PCDHGA5: variants seen among roughly 807,000 people sequenced by gnomAD.
The protein encoded by PCDHGA5 is protocadherin gamma-A5.
PCDHGA5 carries 36 observed loss-of-function variants against 56.7 expected under a neutral mutation model. That is an observed-to-expected ratio of 0.64 (90% CI 0.49 to 0.84). The LOEUF (loss-of-function observed/expected upper bound fraction) is 0.84, where lower values mean the gene tolerates loss of function less well. PCDHGA5 is among the 40% of genes least tolerant of loss of function. The pLI, the probability that PCDHGA5 is intolerant of heterozygous loss-of-function variation, is 0.00. For missense variants in PCDHGA5, 1,305 were observed against 1,201.5 expected, an observed-to-expected ratio of 1.09 and a Z score of -1.27; for synonymous variants, 563 against 520.2, an observed-to-expected ratio of 1.08 and a Z score of -1.12.
chr5:141,472,164 G>C (rs2099273083), intron 1 of PCDHGA5, among the ~76,000 whole-genome samples: 1 of 152,158 alleles, frequency 6.6e-6, no homozygotes, highest in Non-Finnish European at 1.5e-5. Flanking sequence ...TAGCTACTAG[G>C]TGTAATATCC....
At chr5:141,395,126 C>G (rs1416844764) in intron 1 of PCDHGA5, 1 of 1,614,078 alleles carries the variant, frequency 6.2e-7, no homozygotes, top group East Asian at 2.2e-5. Flanking sequence ...TGATCTTTCC[C>G]CAGCCCAACT....
chr5:141,505,634 A>T, intron 3 of PCDHGA5, 153 bp downstream of exon 3: 6 of 971,426 alleles, frequency 6.2e-6, no homozygotes, highest in Non-Finnish European at 7.3e-6. Context: ...CCAAACATAA[A>T]GCCTGGAATT....
At chr5:141,434,980 CTA>C in intron 1 of PCDHGA5, among the ~76,000 whole-genome samples, 1 of 151,954 alleles carries the variant, frequency 6.6e-6, no homozygotes, top group East Asian at 1.9e-4. Flanking sequence ...TGTTAATACT[CTA>C]TATCATTTTC....
intron 1 of PCDHGA5, chr5:141,374,351 A>T (rs1770409199): frequency 6.2e-7 from 1 of 1,614,022 alleles, no homozygotes; most frequent in South Asian, 1.1e-5. Flanking sequence ...CGCGGGTAGG[A>T]TAGACCGCGA....
chr5:141,436,384 C>A lies in PCDHGA5; in HGVS notation c.2422-58423C>A, dbSNP rs1048094484. 2.6e-5 allele frequency among the ~76,000 whole-genome samples: 4 copies of A among 152,222 alleles called. 1 individual carries two copies. Among genetic ancestry groups the A allele is most frequent in the Non-Finnish European group, 4.4e-5 (3 of 67,978 alleles). On this transcript the variant is annotated intron_variant, in intron 1 of 3. Coordinates refer to ENST00000518069, the MANE Select transcript of PCDHGA5 (RefSeq NM_018918.3). The stretch of plus-strand genomic sequence containing the variant: ...ATGTTTCCAGTTTAAGCTGAATAGG[C>A]TTTATTAAATAGTTGTTGAATGAAT...
intron 1 of PCDHGA5, chr5:141,375,805 C>G (rs748127561): frequency 6.2e-7 from 1 of 1,614,214 alleles, no homozygotes; most frequent in Admixed American, 1.7e-5. Flanking sequence ...GTTCCACTGG[C>G]GTGGAGCTGG....
chr5:141,410,399 G>A, intron 1 of PCDHGA5: 1 of 1,614,044 alleles, frequency 6.2e-7, no homozygotes. Flanking sequence ...TGGTCTCTGT[G>A]TCAAGTCTGG....
At chr5:141,383,688 G>A (rs1246896425) in intron 1 of PCDHGA5, 6 of 1,614,008 alleles carry the variant, frequency 3.7e-6, no homozygotes, top group Non-Finnish European at 5.1e-6. Context: ...GACTGCTCAC[G>A]GTACATGCTA....
Position 141,383,201 on chromosome 5 carries a change from G to A in PCDHGA5, c.2421+16450G>A, listed in dbSNP as rs368180461. ...GAAGAGATCTGCGCTCAGAGTGCGCGGTGTCTGGTAAACTTTAACATCCTG... is the reference window on the plus strand; with the variant it reads ...GAAGAGATCTGCGCTCAGAGTGCGCAGTGTCTGGTAAACTTTAACATCCTG... On this transcript the variant is annotated intron_variant, in intron 1 of 3. Coordinates refer to ENST00000518069, the MANE Select transcript of PCDHGA5 (RefSeq NM_018918.3). 4.3e-6 allele frequency: 7 copies of A among 1,613,882 alleles called. No individual in the cohort carries two copies. In the African/African-American group the frequency reaches 9.3e-5, roughly 22 times the overall value.
At chr5:141,484,873 G>A (rs754469397) in intron 1 of PCDHGA5, 50 of 322,006 alleles carry the variant, frequency 1.6e-4, no homozygotes, top group Non-Finnish European at 2.5e-4. Flanking sequence ...GAGCGTGGAG[G>A]ATAGGGTGGG....
intron 1 of PCDHGA5, chr5:141,378,226 T>C (rs1774724615): frequency 6.6e-6 from 1 of 152,206 alleles, no homozygotes; most frequent in Admixed American, 6.5e-5. Context: ...TGCCTGATAG[T>C]ATTTAAGAGT....
At position 141,368,171 on chromosome 5, in the gene PCDHGA5, A is replaced by T. The variant is rs143914194; in HGVS notation, c.2421+1420A>T. ...TTTAAAACCTTGAGCATCAGCTTCAAATAATGACTAAATAAGGGGAAAAGG... is the reference window on the plus strand; with the variant it reads ...TTTAAAACCTTGAGCATCAGCTTCATATAATGACTAAATAAGGGGAAAAGG... On this transcript the variant is annotated intron_variant, in intron 1 of 3. Coordinates refer to ENST00000518069, the MANE Select transcript of PCDHGA5 (RefSeq NM_018918.3). Among the ~76,000 whole-genome samples the T allele has an allele frequency of 3.1e-4, 47 of 152,352 alleles. No homozygotes were observed. In the East Asian group the frequency reaches 8.3e-3, roughly 27 times the overall value.
chr5:141,447,298 C>T lies in PCDHGA5; in HGVS notation c.2422-47509C>T, dbSNP rs187482431. 1.7e-3 allele frequency among the ~76,000 whole-genome samples: 260 copies of T among 152,214 alleles called. 2 individuals carry two copies. Among genetic ancestry groups the T allele is most frequent in the African/African-American group, 5.8e-3 (239 of 41,534 alleles). ...GGGACTACAGGCACATGCCACCACA[C>T]CCGGCTAATTTTTGTATTTTTAGTA... On this transcript the variant is annotated intron_variant, in intron 1 of 3. Coordinates refer to ENST00000518069, the MANE Select transcript of PCDHGA5 (RefSeq NM_018918.3).
intron 1 of PCDHGA5, chr5:141,384,835 G>T: frequency 1.2e-6 from 2 of 1,613,468 alleles, no homozygotes; most frequent in Middle Eastern, 1.7e-4. Flanking sequence ...CGTGGTGGCC[G>T]TCCAGGACCA....
At chr5:141,412,981 G>C (rs1309699690) in intron 1 of PCDHGA5, 2 of 546,326 alleles carry the variant, frequency 3.7e-6, no homozygotes, top group Non-Finnish European at 3.1e-6. Context: ...AACGCAGCCA[G>C]AGCTCAATCC....
intron 1 of PCDHGA5, among the ~76,000 whole-genome samples, chr5:141,468,046 C>T (rs540273405): frequency 1.3e-4 from 20 of 152,174 alleles, no homozygotes; most frequent in Non-Finnish European, 2.8e-4. Flanking sequence ...AAAACTAAGC[C>T]GGGCACAGTG....
intron 1 of PCDHGA5, chr5:141,389,415 G>A (rs915246049): frequency 1.9e-6 from 3 of 1,613,598 alleles, no homozygotes; most frequent in Non-Finnish European, 2.5e-6. Context: ...GGAGAGCGGG[G>A]TGGTGTTCGC....
At chr5:141,388,363 C>T (rs778705302) in intron 1 of PCDHGA5, 6 of 1,613,854 alleles carry the variant, frequency 3.7e-6, no homozygotes, top group South Asian at 3.3e-5. Flanking sequence ...GCCCATGATG[C>T]GGATATTGGT....
In PCDHGA5 at chr5:141,389,412, G is replaced by A. The variant is rs1039259671; in HGVS notation, c.2421+22661G>A. 5 of 1,613,588 alleles carry A rather than the reference G, an allele frequency of 3.1e-6. No individual in the cohort carries two copies. Among genetic ancestry groups the A allele is most frequent in the Admixed American group, 3.3e-5 (2 of 60,038 alleles). On this transcript the variant is annotated intron_variant, in intron 1 of 3. Transcript: ENST00000518069. ...CTACGTGTCCATAAGCGCGGAGAGC[G>A]GGGTGGTGTTCGCGCAGCGCGCCTT...
Sources: allele counts gnomAD v4.1 joint callset (sites outside exome capture counted in the v4.1 genomes callset), GRCh38; gene constraint gnomAD v4.1.1; transcripts MANE v1.5; gene names NCBI Gene and HGNC (gene_info 2026-07-23, HGNC 2026-07-21).